C3orf33: variants seen among roughly 807,000 people sequenced by gnomAD.
The protein encoded by C3orf33 is AP-1 activity suppressor.
A neutral mutation model predicts 28.7 loss-of-function variants in C3orf33; 23 were observed. The observed-to-expected ratio is 0.80, with a 90% CI of 0.58 to 1.13. C3orf33 has a LOEUF of 1.13. Among genes scored for constraint, C3orf33 ranks in the 50% most tolerant of loss-of-function variants. The pLI is 0.00. For missense variants in C3orf33, 327 were observed against 353.4 expected, an observed-to-expected ratio of 0.93 and a Z score of 0.60; for synonymous variants, 119 against 120.5, an observed-to-expected ratio of 0.99 and a Z score of 0.08.
At chr3:155,777,326 A>G (rs73159012) in intron 2 of C3orf33, among the ~76,000 whole-genome samples, 1 of 151,098 alleles carries the variant, frequency 6.6e-6, no homozygotes, top group Non-Finnish European at 1.5e-5. Flanking sequence ...AAAAAAAATT[A>G]AAAAAAAAAT....
At chr3:155,793,958 G>C (rs774835678) in intron 2 of C3orf33, among the ~76,000 whole-genome samples, 98 of 150,726 alleles carry the variant, frequency 6.5e-4, no homozygotes, top group Admixed American at 3.3e-4. Flanking sequence ...CTTTGCTTCA[G>C]TGTTAGTTTG....
Position 155,763,365 on chromosome 3 carries a change from C to A in C3orf33, c.*152G>T. On this transcript the variant is annotated 3_prime_UTR_variant, in exon 5 of 5. Coordinates refer to ENST00000340171, the MANE Select transcript of C3orf33 (RefSeq NM_001308229.2). Reference sequence around the variant, plus strand: ...TGTTTAAATTAATTCTGACATTATGCTTATAATAATCATCTCTTTTTAATA... The same window carrying A: ...TGTTTAAATTAATTCTGACATTATGATTATAATAATCATCTCTTTTTAATA... The A allele has an allele frequency of 2.1e-6, 1 of 477,458 alleles. No homozygotes were observed. The highest frequency in any genetic ancestry group is 3.5e-6 in the Non-Finnish European group (1 of 287,008). 29.6% of individuals were successfully genotyped at this position (477,458 alleles called of 1,614,324 possible). A position where few individuals can be genotyped will look rare whatever the true frequency, so the allele number is the denominator to read the frequency against.
chr3:155,763,581 T>G lies in C3orf33; in HGVS notation c.821A>C (p.Asn274Thr). The G allele has an allele frequency of 6.4e-7, 1 of 1,574,358 alleles. No homozygotes were observed. Among genetic ancestry groups the G allele is most frequent in the East Asian group, 2.3e-5 (1 of 44,412 alleles). The change falls in exon 5 of 5, where the codon AAC becomes ACC. Residue 274 changes from asparagine to threonine, a missense_variant. Transcript: ENST00000340171. ...TCTGAACTTCAGTATTAAGGAGCAGTTGTTCATGTTGTCTTTCCATATTTC... is the reference window on the plus strand; with the variant it reads ...TCTGAACTTCAGTATTAAGGAGCAGGTGTTCATGTTGTCTTTCCATATTTC... ...TYEIWKDNMN[N>T]CSLILKFREL...
At chr3:155,770,735 C>T (rs1160656730) in intron 3 of C3orf33, among the ~76,000 whole-genome samples, 1 of 151,886 alleles carries the variant, frequency 6.6e-6, no homozygotes, top group Non-Finnish European at 1.5e-5. Flanking sequence ...ATGGTGCAAT[C>T]TTGGCTCACT....
intron 2 of C3orf33, among the ~76,000 whole-genome samples, chr3:155,783,572 T>C (rs1751008043): frequency 6.6e-6 from 1 of 151,050 alleles, no homozygotes; most frequent in African/African-American, 2.4e-5. Flanking sequence ...GTTCAAGGGA[T>C]TCTCCTGCCT....
chr3:155,788,559 G>C (rs1419281866), intron 2 of C3orf33, among the ~76,000 whole-genome samples: 1 of 151,802 alleles, frequency 6.6e-6, no homozygotes, highest in Non-Finnish European at 1.5e-5. Context: ...GGCACAGCCT[G>C]TAATCCCAGC....
Position 155,772,772 on chromosome 3 carries a change from CTGTGTGTGTGTG to C in C3orf33, c.322+2917_322+2928del, listed in dbSNP as rs60966459. Among the ~76,000 whole-genome samples the C allele has an allele frequency of 4.3e-3, 618 of 142,220 alleles. 4 individuals are homozygous for C. Among genetic ancestry groups the C allele is most frequent in the South Asian group, 0.015 (66 of 4,300 alleles). The allele number at this position is 142,220 out of a possible 152,430, so 93.3% of individuals were successfully genotyped here. ...TTTCAGTTCATAAAATTTTTAGGCT[CTGTGTGTGTGTG>C]TGTGTGTGTGTGTGTGTGTGTGTGT... On this transcript the variant is annotated intron_variant, in intron 3 of 4. Transcript: ENST00000340171.
At chr3:155,800,243 A>G (rs1751600315) in intron 2 of C3orf33, among the ~76,000 whole-genome samples, 1 of 152,114 alleles carries the variant, frequency 6.6e-6, no homozygotes, top group Non-Finnish European at 1.5e-5. Flanking sequence ...GAAAACATAG[A>G]CAAATTGGAC....
chr3:155,796,016 A>C (rs1279100349), intron 2 of C3orf33, among the ~76,000 whole-genome samples: 1 of 152,138 alleles, frequency 6.6e-6, no homozygotes, highest in Non-Finnish European at 1.5e-5. Context: ...ATACAGCAAA[A>C]GCAATATTAA....
At chr3:155,795,453 C>A (rs1213839892) in intron 2 of C3orf33, among the ~76,000 whole-genome samples, 4 of 151,708 alleles carry the variant, frequency 2.6e-5, no homozygotes, top group African/African-American at 9.7e-5. Flanking sequence ...AAGACTTCAT[C>A]TCAAAAATAA....
At chr3:155,802,461 A>G (rs1751676792) in intron 2 of C3orf33, 71 bp downstream of exon 2, 3 of 1,125,840 alleles carry the variant, frequency 2.7e-6, no homozygotes, top group Admixed American at 3.7e-5. Context: ...ACTGTTTGAG[A>G]TAAAAATTGT....
intron 2 of C3orf33, among the ~76,000 whole-genome samples, chr3:155,798,776 A>G (rs1442605568): frequency 6.6e-6 from 1 of 152,184 alleles, no homozygotes. Flanking sequence ...AAACAGGATC[A>G]TATCAAGTTA....
At chr3:155,778,509 C>G (rs1750821426) in intron 2 of C3orf33, among the ~76,000 whole-genome samples, 1 of 151,948 alleles carries the variant, frequency 6.6e-6, no homozygotes, top group Non-Finnish European at 1.5e-5. Context: ...ACTGGTGAAT[C>G]TAGGTGAAAG....
At chr3:155,771,189 T>A (rs1750581235) in intron 3 of C3orf33, among the ~76,000 whole-genome samples, 1 of 152,034 alleles carries the variant, frequency 6.6e-6, no homozygotes, top group Admixed American at 6.6e-5. Context: ...CACTGTAGCC[T>A]CAACCTCCCA....
intron 3 of C3orf33, among the ~76,000 whole-genome samples, chr3:155,774,669 T>C (rs1391601376): frequency 1.0e-5 from 1 of 100,212 alleles, no homozygotes; most frequent in African/African-American, 4.3e-5. Context: ...TGTTTTGCTT[T>C]TTTTTTTTTT....
At chr3:155,779,776 T>C (rs960996272) in intron 2 of C3orf33, among the ~76,000 whole-genome samples, 2 of 152,202 alleles carry the variant, frequency 1.3e-5, no homozygotes, top group Non-Finnish European at 2.9e-5. Flanking sequence ...TAAAAGTGCA[T>C]CCTTTTTAAT....
chr3:155,788,899 T>A (rs1388195134), intron 2 of C3orf33, among the ~76,000 whole-genome samples: 1 of 152,180 alleles, frequency 6.6e-6, no homozygotes, highest in Non-Finnish European at 1.5e-5. Context: ...ATACCTCTGT[T>A]CACAGATTAT....
chr3:155,787,706 GTCTC>G (rs780128543), intron 2 of C3orf33, among the ~76,000 whole-genome samples: 1 of 150,174 alleles, frequency 6.7e-6, no homozygotes, highest in Non-Finnish European at 1.5e-5. Flanking sequence ...TAGAGATGGG[GTCTC>G]TCTATGTTGC....
At chr3:155,772,622 T>C (rs919808172) in intron 3 of C3orf33, among the ~76,000 whole-genome samples, 4 of 152,042 alleles carry the variant, frequency 2.6e-5, no homozygotes, top group Admixed American at 6.6e-5. Context: ...TTGAATAATT[T>C]CCTCACTAGA....
Sources: allele counts gnomAD v4.1 joint callset (sites outside exome capture counted in the v4.1 genomes callset), GRCh38; gene constraint gnomAD v4.1.1; transcripts MANE v1.5; gene names NCBI Gene and HGNC (gene_info 2026-07-23, HGNC 2026-07-21).